HSCB: variants seen among roughly 807,000 people sequenced by gnomAD.
HSCB encodes the protein HscB mitochondrial iron-sulfur cluster cochaperone, also known as iron-sulfur cluster co-chaperone protein HscB.
Under a neutral mutation model 31.3 loss-of-function variants are expected in HSCB, and 23 were observed. That is an observed-to-expected ratio of 0.74 (90% CI 0.53 to 1.04). The LOEUF (loss-of-function observed/expected upper bound fraction) is 1.04. Ranked by LOEUF, HSCB falls within the 50% of genes least tolerant of loss-of-function variation. The probability of loss-of-function intolerance (pLI) is 0.00; values close to 1 mark genes in which losing one functional copy is unlikely to be tolerated. For missense variants in HSCB, 297 were observed against 288.1 expected (o/e 1.03, Z -0.22); for synonymous variants, 110 against 104.5 (o/e 1.05, Z -0.32).
chr22:28,751,167 C>T, intron 4 of HSCB, 74 bp from the exon 5 acceptor site: 1 of 902,120 alleles, frequency 1.1e-6, no homozygotes, highest in Non-Finnish European at 1.8e-6. Context: ...AGCATGATTA[C>T]AAAGTTTAAG....
intron 4 of HSCB, among the ~76,000 whole-genome samples, chr22:28,746,380 CAAAAAAAAAAA>C: frequency 1.4e-5 from 1 of 71,572 alleles, no homozygotes; most frequent in South Asian, 5.3e-4. Flanking sequence ...GACTCCATCT[CAAAAAAAAAAA>C]AAAAAAAAAA....
At chr22:28,754,818 CTG>C (rs2030490756) in intron 5 of HSCB, among the ~76,000 whole-genome samples, 5 of 147,056 alleles carry the variant, frequency 3.4e-5, no homozygotes, top group African/African-American at 1.3e-4. Context: ...TTTTTTGAGA[CTG>C]AGTTTTGCTC....
intron 4 of HSCB, among the ~76,000 whole-genome samples, chr22:28,746,893 C>T (rs866467471): frequency 4.8e-5 from 6 of 125,350 alleles, no homozygotes; most frequent in East Asian, 7.3e-4. Context: ...AGTGAGACTC[C>T]GTCTCAAAAA....
chr22:28,752,210 G>A (rs367883702), intron 5 of HSCB, among the ~76,000 whole-genome samples: 5 of 152,056 alleles, frequency 3.3e-5, no homozygotes, highest in South Asian at 2.1e-4. Flanking sequence ...TTGGGAGGCC[G>A]AGGCGGGTGG....
chr22:28,749,219 C>T (rs748975303), intron 4 of HSCB, among the ~76,000 whole-genome samples: 12 of 152,106 alleles, frequency 7.9e-5, no homozygotes, highest in Non-Finnish European at 1.8e-4. Context: ...GCCCGGATGC[C>T]GTGGCCTCTG....
chr22:28,755,704 C>T (rs143247854), intron 5 of HSCB, among the ~76,000 whole-genome samples: 1,716 of 152,050 alleles, frequency 0.011, 19 homozygotes, highest in Admixed American at 0.019. Context: ...TATAACATAT[C>T]TTCATTTTAG....
intron 1 of HSCB, among the ~76,000 whole-genome samples, chr22:28,743,175 A>T (rs2054614953): frequency 6.6e-6 from 1 of 152,184 alleles, no homozygotes; most frequent in African/African-American, 2.4e-5. Flanking sequence ...AACTCCAAAA[A>T]GGGCATGGGC....
chr22:28,743,820 C>G (rs894858869), intron 1 of HSCB, 62 bp from the exon 2 acceptor site: 3 of 1,392,906 alleles, frequency 2.2e-6, no homozygotes, highest in African/African-American at 2.8e-5. Flanking sequence ...AAGAACCAGG[C>G]TCATGGTAGA....
At chr22:28,751,349 C>T (rs2030241426) in intron 5 of HSCB, 61 bp downstream of exon 5, 2 of 979,592 alleles carry the variant, frequency 2.0e-6, no homozygotes, top group South Asian at 2.9e-5. Context: ...GAAGCATAGC[C>T]ATTCATTCAA....
intron 5 of HSCB, 93 bp from the exon 6 acceptor site, chr22:28,756,985 G>A (rs2030643269): frequency 1.3e-6 from 1 of 763,090 alleles, no homozygotes; most frequent in Admixed American, 1.9e-5. Context: ...CCGGACCCCA[G>A]GGCTCCACTT....
At chr22:28,743,512 A>G (rs2054627014) in intron 1 of HSCB, among the ~76,000 whole-genome samples, 2 of 152,184 alleles carry the variant, frequency 1.3e-5, no homozygotes, top group African/African-American at 4.8e-5. Flanking sequence ...TTCCTTAACT[A>G]TGGGATCTTC....
chr22:28,750,594 C>A (rs569147732), intron 4 of HSCB, among the ~76,000 whole-genome samples: 1 of 152,276 alleles, frequency 6.6e-6, no homozygotes, highest in African/African-American at 2.4e-5. Context: ...CCTGTCATTT[C>A]CTGCCTTACG....
intron 1 of HSCB, among the ~76,000 whole-genome samples, chr22:28,743,059 A>G (rs775997681): frequency 6.6e-6 from 1 of 152,202 alleles, no homozygotes; most frequent in Admixed American, 6.6e-5. Context: ...TAAAGAAAAC[A>G]TGATTCAGTC....
Position 28,757,164 on chromosome 22 carries a change from C to T in HSCB, c.703C>T (p.Leu235Phe), listed in dbSNP as rs766521958. The T allele has an allele frequency of 1.4e-5, 21 of 1,461,842 alleles. No individual in the cohort carries two copies. The Admixed American group carries it at 3.4e-4, about 23-fold the overall frequency. The allele number at this position is 1,461,842 out of a possible 1,614,324, so 90.6% of individuals were successfully genotyped here. ...AAAGATCAAGTTAAAGAAGATTCCC[C>T]TTTAATTGTGGATAGTTTAAAGTTT... is the stretch of plus-strand genomic sequence containing the variant. ...EEKIKLKKIPL is the reference protein window; with the variant it reads ...EEKIKLKKIPF Residue 235 changes from leucine (L) to phenylalanine (F), a missense_variant, in exon 6 of 6, where the codon CTT (leucine) becomes TTT (phenylalanine). Coordinates refer to ENST00000216027, the MANE Select transcript of HSCB (RefSeq NM_172002.5).
Position 28,757,400 on chromosome 22 carries a change from G to A in HSCB, c.*231G>A, listed in dbSNP as rs987923259. The A allele has an allele frequency of 2.7e-6, 1 of 371,824 alleles. No individual in the cohort carries two copies. The highest frequency in any genetic ancestry group is 2.4e-5 in the South Asian group (1 of 40,858). 23.0% of individuals were successfully genotyped at this position (371,824 alleles called of 1,614,324 possible). A position where few individuals can be genotyped will look rare whatever the true frequency, so the allele number is the denominator to read the frequency against. On this transcript the variant is annotated 3_prime_UTR_variant, in exon 6 of 6. Transcript: ENST00000216027. Reference sequence around the variant, plus strand: ...CTTGGTAGGCCGAGGCAGGAGAATCGCTTAAACCCGTGAGGTGGAGGTTGC... The same window carrying A: ...CTTGGTAGGCCGAGGCAGGAGAATCACTTAAACCCGTGAGGTGGAGGTTGC...
chr22:28,749,223 G>C (rs1022457563), intron 4 of HSCB, among the ~76,000 whole-genome samples: 3 of 151,632 alleles, frequency 2.0e-5, no homozygotes, highest in African/African-American at 7.3e-5. Flanking sequence ...GGATGCCGTG[G>C]CCTCTGCTTC....
At chr22:28,742,550 G>A in intron 1 of HSCB, 1 of 763,940 alleles carries the variant, frequency 1.3e-6, no homozygotes. Flanking sequence ...GAAGGGAGAC[G>A]AACGGGACTG....
intron 2 of HSCB, 46 bp from the exon 3 acceptor site, chr22:28,744,569 T>G: frequency 7.1e-7 from 1 of 1,418,130 alleles, no homozygotes; most frequent in Non-Finnish European, 1.0e-6. Context: ...ACAAAAAAAC[T>G]TTGTGATTTG....
intron 4 of HSCB, among the ~76,000 whole-genome samples, chr22:28,746,273 C>G (rs1199624153): frequency 1.4e-5 from 2 of 145,340 alleles, no homozygotes; most frequent in African/African-American, 5.1e-5. Context: ...CCCAGCTACT[C>G]GGGAGGCTGA....
Sources: allele counts gnomAD v4.1 joint callset (sites outside exome capture counted in the v4.1 genomes callset), GRCh38; gene constraint gnomAD v4.1.1; transcripts MANE v1.5; gene names NCBI Gene and HGNC (gene_info 2026-07-23, HGNC 2026-07-21).